Variants in CDH13 observed in about 807,000 individuals in gnomAD.
CDH13 encodes the protein cadherin-13.
In CDH13, 24 loss-of-function variants were observed where a neutral mutation model predicts 63.8. The observed-to-expected ratio is 0.38, with a 90% CI of 0.27 to 0.53. The LOEUF (loss-of-function observed/expected upper bound fraction) is 0.53, where lower values mean the gene tolerates loss of function less well. Ranked by LOEUF, CDH13 falls within the 20% of genes least tolerant of loss-of-function variation. CDH13 has a pLI of 0.85. For synonymous variants in CDH13, 503 were observed against 355.3 expected (o/e 1.42, Z -4.67); for missense variants, 1,049 against 903.1 (o/e 1.16, Z -2.07).
intron 2 of CDH13, among the ~76,000 whole-genome samples, chr16:82,873,817 A>G (rs957646108): frequency 7.9e-5 from 12 of 152,192 alleles, no homozygotes; most frequent in Admixed American, 1.3e-4. Flanking sequence ...GAAATTTTCA[A>G]TATAGCTTGG....
intron 7 of CDH13, among the ~76,000 whole-genome samples, chr16:83,580,527 A>G (rs1015768721): frequency 8.4e-6 from 1 of 118,824 alleles, no homozygotes; most frequent in Admixed American, 1.1e-4. Context: ...CAGGGTCTCC[A>G]TCTGCCACCC....
chr16:83,754,292 A>G (rs1913325590), intron 11 of CDH13, among the ~76,000 whole-genome samples: 1 of 152,178 alleles, frequency 6.6e-6, no homozygotes, highest in Admixed American at 6.5e-5. Flanking sequence ...TAAGATGGTA[A>G]CCACTGAAGG....
chr16:83,071,873 A>G lies in CDH13; in HGVS notation c.366+39655A>G, dbSNP rs948059131. Among the ~76,000 whole-genome samples, 4 of 152,196 alleles carry G rather than the reference A, an allele frequency of 2.6e-5. No homozygotes were observed. The East Asian group carries it at 7.7e-4, about 29-fold the overall frequency. The stretch of plus-strand genomic sequence containing the variant: ...AATATCCCATTTATATTATGCATAG[A>G]TTATAAGTAAAATACACAGAATTGA... On this transcript the variant is annotated intron_variant, in intron 3 of 13. Transcript: ENST00000567109.
chr16:83,733,276 G>A (rs549283680), intron 10 of CDH13, among the ~76,000 whole-genome samples: 13 of 152,288 alleles, frequency 8.5e-5, no homozygotes, highest in South Asian at 6.2e-4. Context: ...TGGTGCCTCC[G>A]GATGATGATC....
intron 10 of CDH13, among the ~76,000 whole-genome samples, chr16:83,744,090 T>G (rs898868981): frequency 6.6e-6 from 1 of 152,092 alleles, no homozygotes; most frequent in Non-Finnish European, 1.5e-5. Flanking sequence ...CAAAAATAAA[T>G]GTAGTGATGC....
At chr16:82,758,401 C>T (rs1217218266) in intron 1 of CDH13, among the ~76,000 whole-genome samples, 1 of 146,822 alleles carries the variant, frequency 6.8e-6, no homozygotes, top group African/African-American at 2.5e-5. Flanking sequence ...TCTGTGTCAC[C>T]ACCTTGGCCC....
At chr16:83,607,708 T>C (rs1235792010) in intron 8 of CDH13, among the ~76,000 whole-genome samples, 1 of 152,236 alleles carries the variant, frequency 6.6e-6, no homozygotes, top group Non-Finnish European at 1.5e-5. Flanking sequence ...ACGCTAGTTT[T>C]TCTCTGTGGA....
At chr16:83,230,746 C>T (rs2039979127) in intron 5 of CDH13, among the ~76,000 whole-genome samples, 1 of 152,168 alleles carries the variant, frequency 6.6e-6, no homozygotes, top group South Asian at 2.1e-4. Flanking sequence ...AAGATCATGC[C>T]ATTGCTCTCC....
chr16:83,619,698 C>G (rs1269748268), intron 8 of CDH13, among the ~76,000 whole-genome samples: 2 of 152,260 alleles, frequency 1.3e-5, no homozygotes, highest in East Asian at 1.9e-4. Flanking sequence ...TCCACATTTC[C>G]TCTTTGCAGA....
rs1909911758 is a variant in CDH13 at position 82,644,962 on chromosome 16, G to C, written c.45+17825G>C. ...ATAAACTAATATTTTGGAAAACTCTGGAGTTAGAGAAGTGGACCAGATTGG... is the reference window on the plus strand; with the variant it reads ...ATAAACTAATATTTTGGAAAACTCTCGAGTTAGAGAAGTGGACCAGATTGG... On this transcript the variant is annotated intron_variant, in intron 1 of 13. Transcript: ENST00000567109. This position sits in a 1 kb window ranked among gnomAD's most constrained non-coding sequence, Gnocchi z 5.7. 6.6e-6 allele frequency among the ~76,000 whole-genome samples: 1 copy of C among 152,176 alleles called. No individual in the cohort carries two copies. The highest frequency in any genetic ancestry group is 6.5e-5 in the Admixed American group (1 of 15,280).
intron 6 of CDH13, among the ~76,000 whole-genome samples, chr16:83,361,620 A>G (rs1424201275): frequency 6.6e-6 from 1 of 152,146 alleles, no homozygotes; most frequent in Non-Finnish European, 1.5e-5. Flanking sequence ...GATGAAATGT[A>G]TGGGTCATTT....
At chr16:83,497,710 A>C (rs1163761848) in intron 7 of CDH13, among the ~76,000 whole-genome samples, 2 of 152,344 alleles carry the variant, frequency 1.3e-5, no homozygotes, top group East Asian at 3.9e-4. Flanking sequence ...CTCATGCGTC[A>C]TCAAAACATA....
At chr16:83,519,798 G>A (rs927738607) in intron 7 of CDH13, among the ~76,000 whole-genome samples, 14 of 152,170 alleles carry the variant, frequency 9.2e-5, no homozygotes, top group African/African-American at 2.9e-4. Context: ...AGTGTGAATG[G>A]TGGGGGGAAC....
At chr16:83,179,194 T>G (rs1037260300) in intron 4 of CDH13, among the ~76,000 whole-genome samples, 1 of 152,138 alleles carries the variant, frequency 6.6e-6, no homozygotes, top group African/African-American at 2.4e-5. Flanking sequence ...CAGGAAAGCC[T>G]TTGGGATGTG....
chr16:83,657,624 G>A (rs1024083375), intron 8 of CDH13, among the ~76,000 whole-genome samples: 2 of 152,176 alleles, frequency 1.3e-5, no homozygotes, highest in Non-Finnish European at 2.9e-5. Context: ...CTGGGGATAT[G>A]GAGAACAAAC....
intron 5 of CDH13, among the ~76,000 whole-genome samples, chr16:83,307,587 G>T (rs2089908720): frequency 6.6e-6 from 1 of 152,136 alleles, no homozygotes; most frequent in African/African-American, 2.4e-5. Context: ...TTCCTCCCTT[G>T]GGGTTTCGTT....
chr16:82,994,738 A>G (rs1567726661), intron 2 of CDH13, among the ~76,000 whole-genome samples: 1 of 152,202 alleles, frequency 6.6e-6, no homozygotes, highest in Non-Finnish European at 1.5e-5. Flanking sequence ...GCCCCAAACA[A>G]ACACTTCTTA....
intron 1 of CDH13, among the ~76,000 whole-genome samples, chr16:82,783,885 G>A (rs1035908992): frequency 2.0e-5 from 3 of 152,176 alleles, no homozygotes; most frequent in African/African-American, 7.2e-5. Context: ...GGAGTTAGTG[G>A]AGGGAAAGAA....
At chr16:83,392,605 C>T (rs946604816) in intron 6 of CDH13, among the ~76,000 whole-genome samples, 12 of 152,150 alleles carry the variant, frequency 7.9e-5, no homozygotes, top group Admixed American at 6.5e-4. Context: ...AAGGTACTGA[C>T]GGTTCTCTCT....
Sources: gnomAD v4.1 joint callset for allele counts (sites outside exome capture counted in the v4.1 genomes callset) on GRCh38, gnomAD v4.1.1 for gene constraint, Gnocchi (gnomAD v3.1) non-coding constraint, MANE v1.5 for transcripts, NCBI Gene and HGNC (gene_info 2026-07-23, HGNC 2026-07-21) for gene names.